Variants in SCARA3 observed in about 807,000 individuals in gnomAD.
SCARA3 encodes the protein scavenger receptor class A member 3.
A neutral mutation model predicts 47.0 loss-of-function variants in SCARA3; 39 were observed. That is an observed-to-expected ratio of 0.83 (90% CI 0.64 to 1.08). SCARA3 has a LOEUF of 1.08. SCARA3 is among the 50% of genes least tolerant of loss of function. The pLI is 0.00. For missense variants in SCARA3, 724 were observed against 792.3 expected, an observed-to-expected ratio of 0.91 and a Z score of 1.04; for synonymous variants, 356 against 334.1, an observed-to-expected ratio of 1.07 and a Z score of -0.71.
At chr8:27,675,917 C>T (rs1203612649), downstream of SCARA3, among the ~76,000 whole-genome samples, 3 of 152,194 alleles carry the variant, frequency 2.0e-5, no homozygotes, top group South Asian at 2.1e-4. Context: ...GGGGGAGGAA[C>T]GTGTACTTCC....
the SCARA3 span, chr8:27,733,914 C>G: frequency 3.9e-5 from 6 of 152,186 alleles, no homozygotes; most frequent in Non-Finnish European, 8.8e-5. Flanking sequence ...GCAGCTGAAA[C>G]TCTCCCCGTC....
chr8:27,696,469 T>G, the SCARA3 span, among the ~76,000 whole-genome samples: 1 of 152,036 alleles, frequency 6.6e-6, no homozygotes, highest in Admixed American at 6.5e-5. Context: ...TTTTAAATTT[T>G]TTTGGAGACA....
intron 5 of SCARA3, among the ~76,000 whole-genome samples, chr8:27,661,945 C>T (rs1201542847): frequency 1.3e-5 from 2 of 152,154 alleles, no homozygotes; most frequent in East Asian, 3.9e-4. Flanking sequence ...TCCAATTTCC[C>T]CTTGGCAGTC....
the SCARA3 span, among the ~76,000 whole-genome samples, chr8:27,723,244 A>T: frequency 6.6e-6 from 1 of 152,028 alleles, no homozygotes; most frequent in Admixed American, 6.5e-5. Context: ...CTTGAAGTTC[A>T]CCCCTGAGCT....
At position 27,671,068 on chromosome 8, in the gene SCARA3, T is replaced by G; in HGVS notation, c.1538T>G (p.Val513Gly). 16 of 1,611,978 alleles carry G rather than the reference T, an allele frequency of 9.9e-6. No homozygotes were observed. Among genetic ancestry groups the G allele is most frequent in the Non-Finnish European group, 1.4e-5 (16 of 1,179,360 alleles). ...GGGCCTGTGGGAGAAAGGGGCCCTG[T>G]TGGCCCTCGAGGGTTCCCAGGCCTC... ...EAGPVGERGP[V>G]GPRGFPGLKG... is the part of the protein sequence containing the mutation. The change falls in exon 6 of 6, where the codon GTT (valine) becomes GGT (glycine). Residue 513 changes from valine to glycine, a missense_variant. By Grantham distance (109) the Val-to-Gly change is moderately radical. Coordinates refer to ENST00000301904, the MANE Select transcript of SCARA3 (RefSeq NM_016240.3).
the SCARA3 span, among the ~76,000 whole-genome samples, chr8:27,700,221 A>G: frequency 0.018 from 2,810 of 152,316 alleles, 45 homozygotes; most frequent in Non-Finnish European, 0.028. Context: ...ATGAAAAGAA[A>G]AAAAATCCCA....
chr8:27,663,455 C>T (rs565175116), intron 5 of SCARA3, among the ~76,000 whole-genome samples: 145 of 152,224 alleles, frequency 9.5e-4, no homozygotes, highest in Non-Finnish European at 1.8e-3. Flanking sequence ...TGTGTGCCTT[C>T]AGCGCCTGCT....
chr8:27,676,711 A>G (rs1316079293), downstream of SCARA3: 2 of 645,632 alleles, frequency 3.1e-6, no homozygotes, highest in East Asian at 5.7e-5. Context: ...GCCTTGAGAC[A>G]CTAGCCAATT....
Position 27,671,954 on chromosome 8 carries a change from G to C in SCARA3, c.*603G>C. On this transcript the variant is annotated 3_prime_UTR_variant, in exon 6 of 6. Coordinates refer to ENST00000301904, the MANE Select transcript of SCARA3 (RefSeq NM_016240.3). ...AGGGAGGCAGCTACCTCGGGAGGAAGGTCTCACATCTGTCTCTGGGCACCC... is the reference window on the plus strand; with the variant it reads ...AGGGAGGCAGCTACCTCGGGAGGAACGTCTCACATCTGTCTCTGGGCACCC... 1.0e-6 allele frequency: 1 copy of C among 985,436 alleles called. No individual in the cohort carries two copies. Among genetic ancestry groups the C allele is most frequent in the Non-Finnish European group, 1.2e-6 (1 of 829,964 alleles). The allele number at this position is 985,436 out of a possible 1,614,324, so 61.0% of individuals were successfully genotyped here. A position where few individuals can be genotyped will look rare whatever the true frequency, so the allele number is the denominator to read the frequency against.
At chr8:27,641,935 C>T (rs754430396) in intron 1 of SCARA3, among the ~76,000 whole-genome samples, 1 of 152,208 alleles carries the variant, frequency 6.6e-6, no homozygotes, top group Non-Finnish European at 1.5e-5. Flanking sequence ...GTCCCTCTGC[C>T]TCTGAACATA....
downstream of SCARA3, among the ~76,000 whole-genome samples, chr8:27,681,433 C>G (rs1268899609): frequency 6.6e-6 from 1 of 152,084 alleles, no homozygotes; most frequent in Non-Finnish European, 1.5e-5. Flanking sequence ...TTTAATATCT[C>G]TACATATGGA....
At chr8:27,673,055 G>A, downstream of SCARA3, 1 of 950,744 alleles carries the variant, frequency 1.1e-6, no homozygotes, top group Non-Finnish European at 1.3e-6. Flanking sequence ...CTGACTTGGG[G>A]GCATGATGCC....
the SCARA3 span, among the ~76,000 whole-genome samples, chr8:27,707,379 C>T: frequency 4.6e-5 from 7 of 151,766 alleles, no homozygotes; most frequent in Admixed American, 2.6e-4. Context: ...AACAGACAAC[C>T]AGTCTGATAT....
At chr8:27,732,060 G>A in the SCARA3 span, among the ~76,000 whole-genome samples, 1 of 152,210 alleles carries the variant, frequency 6.6e-6, no homozygotes, top group South Asian at 2.1e-4. Context: ...CCTTGTCTAT[G>A]GATAGCAAAC....
intron 2 of SCARA3, among the ~76,000 whole-genome samples, chr8:27,650,202 C>T (rs1801602742): frequency 6.6e-6 from 1 of 152,042 alleles, no homozygotes; most frequent in Non-Finnish European, 1.5e-5. Context: ...GCTATGTTGC[C>T]CAGGCTGGTC....
At position 27,671,660 on chromosome 8, in the gene SCARA3, A is replaced by G. The variant is rs1017425079; in HGVS notation, c.*309A>G. On this transcript the variant is annotated 3_prime_UTR_variant, in exon 6 of 6. Coordinates refer to ENST00000301904, the MANE Select transcript of SCARA3 (RefSeq NM_016240.3). The stretch of plus-strand genomic sequence containing the variant: ...CATGCATGCACACACACATGCACGC[A>G]CACACACATGCACACATACACGTGC... The G allele has an allele frequency of 4.2e-5, 27 of 646,850 alleles. No individual in the cohort carries two copies. The highest frequency in any genetic ancestry group is 2.6e-4 in the African/African-American group (7 of 26,576). 40.1% of individuals were successfully genotyped at this position (646,850 alleles called of 1,614,324 possible). A position where few individuals can be genotyped will look rare whatever the true frequency, so the allele number is the denominator to read the frequency against.
At chr8:27,674,245 T>C (rs1193978307), downstream of SCARA3, among the ~76,000 whole-genome samples, 1 of 152,122 alleles carries the variant, frequency 6.6e-6, no homozygotes, top group Admixed American at 6.5e-5. Flanking sequence ...TTGAAGCAAA[T>C]GCTGAGAATC....
chr8:27,712,122 C>G, the SCARA3 span, among the ~76,000 whole-genome samples: 2 of 152,224 alleles, frequency 1.3e-5, no homozygotes, highest in South Asian at 4.1e-4. Flanking sequence ...TCCACTTCTT[C>G]AGCCCTCCCT....
At chr8:27,660,373 C>T (rs189543923) in intron 5 of SCARA3, among the ~76,000 whole-genome samples, 60 of 151,222 alleles carry the variant, frequency 4.0e-4, no homozygotes, top group African/African-American at 1.4e-3. Flanking sequence ...TAGATAGATC[C>T]AGAGAAACAG....
Sources: allele counts gnomAD v4.1 joint callset (sites outside exome capture counted in the v4.1 genomes callset), GRCh38; gene constraint gnomAD v4.1.1; transcripts MANE v1.5; gene names NCBI Gene and HGNC (gene_info 2026-07-23, HGNC 2026-07-21).